The following PCDH15 variants were observed in gnomAD, a reference collection of about 807,000 sequenced individuals.
The protein encoded by PCDH15 is protocadherin related 15, also known as protocadherin-15.
Under a neutral mutation model 178.5 loss-of-function variants are expected in PCDH15, and 129 were observed. The observed-to-expected ratio is 0.72, with a 90% CI of 0.63 to 0.84. The LOEUF is 0.84. PCDH15 is among the 40% of genes least tolerant of loss of function. The pLI, the probability that PCDH15 is intolerant of heterozygous loss-of-function variation, is 0.00. For missense variants in PCDH15, 2,230 were observed against 2,099.9 expected (o/e 1.06, Z -1.21); for synonymous variants, 800 against 732.0 (o/e 1.09, Z -1.50).
intron 17 of PCDH15, among the ~76,000 whole-genome samples, chr10:54,072,217 T>A (rs2094258070): frequency 6.6e-6 from 1 of 152,152 alleles, no homozygotes; most frequent in Admixed American, 6.5e-5. Context: ...AGTTTAGAAT[T>A]CAATCATTTT....
At chr10:55,220,862 G>GT (rs2132183596) in intron 1 of PCDH15, among the ~76,000 whole-genome samples, 1 of 151,782 alleles carries the variant, frequency 6.6e-6, no homozygotes, top group African/African-American at 2.4e-5. Flanking sequence ...GTGTTTTTTT[G>GT]TTTTTTGTTT....
chr10:55,375,932 T>A (rs1837385753), intron 2 of PCDH15, among the ~76,000 whole-genome samples: 1 of 152,056 alleles, frequency 6.6e-6, no homozygotes, highest in African/African-American at 2.4e-5. Context: ...TTTTTGAAAA[T>A]ACTATGTTAA....
intron 2 of PCDH15, among the ~76,000 whole-genome samples, chr10:55,122,164 C>A (rs1405254691): frequency 6.6e-6 from 1 of 152,114 alleles, no homozygotes; most frequent in Non-Finnish European, 1.5e-5. Flanking sequence ...TGTTTAGTGT[C>A]CATTTTTTAT....
At chr10:55,309,821 C>T (rs573189038) in intron 1 of PCDH15, among the ~76,000 whole-genome samples, 4 of 152,236 alleles carry the variant, frequency 2.6e-5, no homozygotes, top group African/African-American at 9.6e-5. Context: ...AGGTTAAAAT[C>T]AATCCTTTAA....
At chr10:53,919,639 C>T (rs879672434) in intron 25 of PCDH15, among the ~76,000 whole-genome samples, 8 of 152,014 alleles carry the variant, frequency 5.3e-5, no homozygotes, top group African/African-American at 2.4e-5. Context: ...AGACTGAACC[C>T]GTAACAACAT....
At chr10:55,554,722 TA>T (rs1216535167) in intron 2 of PCDH15, among the ~76,000 whole-genome samples, 1 of 152,080 alleles carries the variant, frequency 6.6e-6, no homozygotes, top group African/African-American at 2.4e-5. Context: ...AAACCCTGTG[TA>T]AAATGAGGGA....
At chr10:54,048,516 G>A (rs138283590) in intron 18 of PCDH15, among the ~76,000 whole-genome samples, 1 of 152,036 alleles carries the variant, frequency 6.6e-6, no homozygotes, top group East Asian at 1.9e-4. Context: ...TTTCTTCCAG[G>A]ATTTTTATAG....
rs552033470 is a variant in PCDH15 at position 55,239,687 on chromosome 10, G to A, written c.-155-73036C>T. Among the ~76,000 whole-genome samples, 3 of 152,154 alleles carry A rather than the reference G, an allele frequency of 2.0e-5. No homozygotes were observed. In the East Asian group the frequency reaches 5.8e-4, roughly 29 times the overall value. ...GGCAATCAAACCAAAACAGACAAATGGGATCACATCAAGCTAAAAGCTTTT... is the reference window on the plus strand; with the variant it reads ...GGCAATCAAACCAAAACAGACAAATAGGATCACATCAAGCTAAAAGCTTTT... On this transcript the variant is annotated intron_variant, in intron 1 of 5. Transcript: ENST00000458638.
At chr10:53,835,673 T>C (rs144071268) in intron 29 of PCDH15, among the ~76,000 whole-genome samples, 2 of 152,030 alleles carry the variant, frequency 1.3e-5, no homozygotes, top group African/African-American at 4.8e-5. Context: ...TCTCAACACA[T>C]TGGGAGGCTG....
chr10:54,939,494 CAAAAAAAAAAAAAAAAA>C (rs71014430), intron 2 of PCDH15, among the ~76,000 whole-genome samples: 1 of 26,664 alleles, frequency 3.8e-5, no homozygotes, highest in African/African-American at 1.0e-4. Flanking sequence ...GACTCCGTCT[CAAAAAAAAAAAAAAAAA>C]AAAAAAAAAA....
At chr10:55,603,225 C>G (rs1189761133) in intron 2 of PCDH15, among the ~76,000 whole-genome samples, 1 of 151,800 alleles carries the variant, frequency 6.6e-6, no homozygotes, top group Non-Finnish European at 1.5e-5. Flanking sequence ...GCAAAGCCTC[C>G]AAGAAATATG....
chr10:54,150,356 A>G (rs1287860824), intron 14 of PCDH15, among the ~76,000 whole-genome samples: 1 of 152,086 alleles, frequency 6.6e-6, no homozygotes, highest in East Asian at 1.9e-4. Flanking sequence ...GTTTAGTTAC[A>G]GTCCATCAAG....
At chr10:54,715,150 G>A (rs11004473) in intron 1 of PCDH15, among the ~76,000 whole-genome samples, 18,544 of 152,056 alleles carry the variant, frequency 0.12, 1,264 homozygotes, top group African/African-American at 0.17. Flanking sequence ...TATTTCAAGT[G>A]CAATGCTCGG....
chr10:55,147,786 A>G (rs867016446), intron 2 of PCDH15, among the ~76,000 whole-genome samples: 6 of 149,818 alleles, frequency 4.0e-5, no homozygotes, highest in Non-Finnish European at 5.9e-5. Flanking sequence ...AGCATTAGGT[A>G]TATCTCCTCT....
At chr10:55,178,330 G>A (rs1216379563) in intron 1 of PCDH15, among the ~76,000 whole-genome samples, 3 of 152,110 alleles carry the variant, frequency 2.0e-5, no homozygotes, top group Admixed American at 1.3e-4. Flanking sequence ...GGCTGCATAA[G>A]AGAAATAAAA....
At chr10:54,824,328 G>A (rs1486384597) in intron 3 of PCDH15, among the ~76,000 whole-genome samples, 1 of 152,094 alleles carries the variant, frequency 6.6e-6, no homozygotes, top group African/African-American at 2.4e-5. Context: ...GTCCTTGTTT[G>A]ACCCAAGTTA....
chr10:53,864,333 TAAAC>T (rs1026255792), intron 27 of PCDH15, among the ~76,000 whole-genome samples: 1 of 150,006 alleles, frequency 6.7e-6, no homozygotes, highest in Non-Finnish European at 1.5e-5. Context: ...TTCCTAAAGC[TAAAC>T]AAACAAACAA....
At chr10:53,960,706 C>G (rs1302222024) in intron 22 of PCDH15, among the ~76,000 whole-genome samples, 1 of 152,144 alleles carries the variant, frequency 6.6e-6, no homozygotes, top group Non-Finnish European at 1.5e-5. Flanking sequence ...CAAGGATCAT[C>G]CTGAGAGCCA....
intron 3 of PCDH15, among the ~76,000 whole-genome samples, chr10:54,818,949 G>C (rs76732940): frequency 6.6e-6 from 1 of 151,882 alleles, no homozygotes; most frequent in Non-Finnish European, 1.5e-5. Context: ...TTTAGAGACA[G>C]GGCGTCATTT....
Sources: gnomAD v4.1 joint callset for allele counts (sites outside exome capture counted in the v4.1 genomes callset) on GRCh38, gnomAD v4.1.1 for gene constraint, MANE v1.5 for transcripts, NCBI Gene and HGNC (gene_info 2026-07-23, HGNC 2026-07-21) for gene names.